Variants in RABGAP1L observed in about 807,000 individuals in gnomAD.
RABGAP1L encodes the protein rab GTPase-activating protein 1-like.
RABGAP1L carries 63 observed loss-of-function variants against 137.7 expected under a neutral mutation model. That is an observed-to-expected ratio of 0.46 (90% CI 0.37 to 0.56). RABGAP1L has a LOEUF of 0.56. Ranked by LOEUF, RABGAP1L falls within the 20% of genes least tolerant of loss-of-function variation. The pLI is 0.00. For synonymous variants in RABGAP1L, 431 were observed against 433.7 expected, an observed-to-expected ratio of 0.99 and a Z score of 0.08; for missense variants, 1,095 against 1,244.0, an observed-to-expected ratio of 0.88 and a Z score of 1.80.
chr1:174,652,925 C>A (rs760122177), intron 14 of RABGAP1L, among the ~76,000 whole-genome samples: 2 of 152,170 alleles, frequency 1.3e-5, no homozygotes, highest in African/African-American at 2.4e-5. Context: ...GTGCTCTGTC[C>A]CAGGGAGATG....
At chr1:174,868,881 A>G (rs571847451) in intron 19 of RABGAP1L, among the ~76,000 whole-genome samples, 2 of 152,262 alleles carry the variant, frequency 1.3e-5, no homozygotes, top group South Asian at 2.1e-4. Context: ...TAAATTACCA[A>G]ATTACTCCCA....
chr1:174,695,804 G>A (rs528127165), intron 15 of RABGAP1L, among the ~76,000 whole-genome samples: 1 of 152,316 alleles, frequency 6.6e-6, no homozygotes, highest in Admixed American at 6.5e-5. Context: ...AGTCACTGAA[G>A]CCATATCTGC....
At chr1:174,330,234 C>G (rs569188858) in intron 11 of RABGAP1L, among the ~76,000 whole-genome samples, 1 of 152,106 alleles carries the variant, frequency 6.6e-6, no homozygotes, top group South Asian at 2.1e-4. Flanking sequence ...ATGCAAAAAT[C>G]AGTAGCATTT....
At chr1:174,428,161 T>C (rs989502650) in intron 13 of RABGAP1L, among the ~76,000 whole-genome samples, 1 of 152,208 alleles carries the variant, frequency 6.6e-6, no homozygotes, top group African/African-American at 2.4e-5. Context: ...TTACAACATA[T>C]TATGAGATCT....
At chr1:174,294,393 A>G (rs1676909420) in intron 10 of RABGAP1L, among the ~76,000 whole-genome samples, 1 of 152,166 alleles carries the variant, frequency 6.6e-6, no homozygotes, top group Non-Finnish European at 1.5e-5. Flanking sequence ...TAGTTGGTTA[A>G]CTTCATAAAT....
chr1:174,279,852 T>C (rs1025407636), intron 10 of RABGAP1L, among the ~76,000 whole-genome samples: 1 of 152,146 alleles, frequency 6.6e-6, no homozygotes, highest in Non-Finnish European at 1.5e-5. Context: ...AGCTTAGTTA[T>C]GACTATCCAA....
intron 13 of RABGAP1L, among the ~76,000 whole-genome samples, chr1:174,621,207 T>C (rs543710440): frequency 1.3e-5 from 2 of 152,082 alleles, no homozygotes; most frequent in Non-Finnish European, 2.9e-5. Context: ...TAAAAGAGGA[T>C]ACAAACAAAT....
At chr1:174,269,241 C>T (rs750427303) in intron 7 of RABGAP1L, among the ~76,000 whole-genome samples, 7 of 152,226 alleles carry the variant, frequency 4.6e-5, no homozygotes, top group Non-Finnish European at 8.8e-5. Flanking sequence ...ACTGCGCCAC[C>T]GCGCCCGGCC....
intron 13 of RABGAP1L, among the ~76,000 whole-genome samples, chr1:174,437,403 C>T (rs536409258): frequency 2.0e-5 from 3 of 152,110 alleles, no homozygotes; most frequent in East Asian, 1.9e-4. Flanking sequence ...AACCATGGCA[C>T]GAGAGCTATG....
At chr1:174,685,334 G>A (rs1467339293) in intron 15 of RABGAP1L, among the ~76,000 whole-genome samples, 1 of 151,906 alleles carries the variant, frequency 6.6e-6, no homozygotes, top group Non-Finnish European at 1.5e-5. Flanking sequence ...CTCACTGCAA[G>A]CTCCGCCTCC....
At chr1:174,685,551 CTTTATTTATTTATTTA>C (rs58721848) in intron 15 of RABGAP1L, among the ~76,000 whole-genome samples, 1 of 144,970 alleles carries the variant, frequency 6.9e-6, no homozygotes, top group African/African-American at 2.6e-5. Flanking sequence ...CCGCGCCGGC[CTTTATTTATTTATTTA>C]TTTATTTATT....
chr1:174,438,688 A>G (rs1289541076), intron 13 of RABGAP1L, among the ~76,000 whole-genome samples: 1 of 148,528 alleles, frequency 6.7e-6, no homozygotes, highest in Non-Finnish European at 1.5e-5. Flanking sequence ...ACTGCACTCC[A>G]GCCTGGGAGA....
chr1:174,983,052 G>A (rs753248855), intron 24 of RABGAP1L, 147 bp downstream of exon 24: 89 of 824,320 alleles, frequency 1.1e-4, no homozygotes, highest in Non-Finnish European at 1.6e-4. Flanking sequence ...CTTCTGACCA[G>A]GTGTGATTGT....
At chr1:174,889,932 G>T (rs559169396) in intron 19 of RABGAP1L, among the ~76,000 whole-genome samples, 231 of 152,084 alleles carry the variant, frequency 1.5e-3, no homozygotes, top group African/African-American at 5.3e-3. Flanking sequence ...TAGAGAGGGA[G>T]CCTCACTATG....
intron 13 of RABGAP1L, among the ~76,000 whole-genome samples, chr1:174,443,945 A>G (rs867501890): frequency 2.0e-5 from 3 of 151,958 alleles, no homozygotes; most frequent in African/African-American, 4.8e-5. Context: ...CTGTCTTTTC[A>G]ACAGTGTATT....
chr1:174,824,354 G>A (rs1239491372), intron 19 of RABGAP1L, among the ~76,000 whole-genome samples: 2 of 151,826 alleles, frequency 1.3e-5, no homozygotes, highest in Non-Finnish European at 2.9e-5. Context: ...AATTAGCTGG[G>A]CATGGTGACA....
intron 19 of RABGAP1L, among the ~76,000 whole-genome samples, chr1:174,918,069 C>T (rs759195455): frequency 4.7e-4 from 71 of 152,132 alleles, no homozygotes; most frequent in African/African-American, 1.6e-3. Context: ...AGAGTCTTCT[C>T]ATCCTGAAAT....
intron 13 of RABGAP1L, among the ~76,000 whole-genome samples, chr1:174,619,442 C>T (rs960303235): frequency 2.6e-5 from 4 of 152,098 alleles, no homozygotes; most frequent in East Asian, 1.9e-4. Flanking sequence ...GCAGATCTCT[C>T]GGCAGAAAGT....
At chr1:174,276,560 AAAAGG>A (rs1558091890) in intron 9 of RABGAP1L, among the ~76,000 whole-genome samples, 2 of 152,186 alleles carry the variant, frequency 1.3e-5, no homozygotes, top group Admixed American at 6.5e-5. Context: ...GAAAATGATG[AAAAGG>A]AAATATTTTA....
Sources: gnomAD v4.1 joint callset for allele counts (sites outside exome capture counted in the v4.1 genomes callset) on GRCh38, gnomAD v4.1.1 for gene constraint, MANE v1.5 for transcripts, NCBI Gene and HGNC (gene_info 2026-07-23, HGNC 2026-07-21) for gene names.